TMEM117: variants seen among roughly 807,000 people sequenced by gnomAD.
TMEM117 encodes the protein transmembrane protein 117.
Under a neutral mutation model 52.4 loss-of-function variants are expected in TMEM117, and 27 were observed. The ratio of observed to expected loss-of-function variants is 0.51; its 90% CI spans 0.38 to 0.71. The LOEUF is 0.71. TMEM117 is among the 30% of genes least tolerant of loss of function. TMEM117 has a pLI of 0.00. For synonymous variants in TMEM117, 215 were observed against 206.3 expected (o/e 1.04, Z -0.36); for missense variants, 556 against 630.5 (o/e 0.88, Z 1.26).
intron 3 of TMEM117, among the ~76,000 whole-genome samples, chr12:44,040,498 CA>C (rs1946779551): frequency 6.6e-6 from 1 of 152,088 alleles, no homozygotes; most frequent in Non-Finnish European, 1.5e-5. Context: ...TTACATCTGG[CA>C]AACAGGCTAA....
chr12:43,809,915 T>C, the TMEM117 span, among the ~76,000 whole-genome samples: 3 of 152,228 alleles, frequency 2.0e-5, no homozygotes, highest in African/African-American at 7.2e-5. Flanking sequence ...TAAAATTCTT[T>C]CATTCCTATC....
the TMEM117 span, chr12:43,805,970 A>C: frequency 6.5e-7 from 1 of 1,545,822 alleles, no homozygotes; most frequent in South Asian, 1.1e-5. Flanking sequence ...CTCGAAAGCC[A>C]ATTTCCTTCG....
intron 2 of TMEM117, among the ~76,000 whole-genome samples, chr12:43,929,592 T>C (rs188371537): frequency 4.9e-4 from 74 of 152,292 alleles, no homozygotes; most frequent in Non-Finnish European, 7.6e-4. Flanking sequence ...TTTTGACATA[T>C]GTATATAACT....
chr12:44,097,717 G>T lies in TMEM117; in HGVS notation c.411-45808G>T, dbSNP rs568889730. 9.5e-5 allele frequency among the ~76,000 whole-genome samples: 13 copies of T among 137,066 alleles called. No individual in the cohort carries two copies. In the East Asian group the frequency reaches 2.2e-3, roughly 23 times the overall value. The allele number at this position is 137,066 out of a possible 152,430, so 89.9% of individuals were successfully genotyped here. On this transcript the variant is annotated intron_variant, in intron 3 of 7. Coordinates refer to ENST00000266534, the MANE Select transcript of TMEM117 (RefSeq NM_032256.3). Reference sequence around the variant, plus strand: ...ACATCACACTCTGTGGACTGTTGTGGGGTGGGGGGATGGGGGAGGGATAGC... The same window carrying T: ...ACATCACACTCTGTGGACTGTTGTGTGGTGGGGGGATGGGGGAGGGATAGC...
At chr12:44,177,784 T>A (rs1592582701) in intron 4 of TMEM117, among the ~76,000 whole-genome samples, 1 of 152,160 alleles carries the variant, frequency 6.6e-6, no homozygotes, top group East Asian at 1.9e-4. Flanking sequence ...CAGCATTGGA[T>A]TAATCTTGCA....
chr12:44,008,408 T>G (rs1946235920), intron 3 of TMEM117, among the ~76,000 whole-genome samples: 1 of 152,220 alleles, frequency 6.6e-6, no homozygotes, highest in Admixed American at 6.5e-5. Flanking sequence ...AGCTATACTT[T>G]CATTTTTTTT....
At chr12:44,025,687 T>TA (rs1946522128) in intron 3 of TMEM117, among the ~76,000 whole-genome samples, 1 of 152,218 alleles carries the variant, frequency 6.6e-6, no homozygotes, top group Non-Finnish European at 1.5e-5. Context: ...TCTCATTTTT[T>TA]ATTCTACTAA....
chr12:44,240,214 A>C (rs1055870727), intron 5 of TMEM117, among the ~76,000 whole-genome samples: 1 of 152,152 alleles, frequency 6.6e-6, no homozygotes, highest in African/African-American at 2.4e-5. Context: ...CTGCACTGCT[A>C]TCTTTGCCAT....
chr12:44,034,065 G>C (rs1011463256), intron 3 of TMEM117, among the ~76,000 whole-genome samples: 5 of 152,112 alleles, frequency 3.3e-5, no homozygotes, highest in African/African-American at 1.2e-4. Context: ...TAATTTTGTA[G>C]AGCATTTTAT....
intron 4 of TMEM117, among the ~76,000 whole-genome samples, chr12:44,162,690 A>G (rs1948913793): frequency 6.6e-6 from 1 of 152,200 alleles, no homozygotes; most frequent in Admixed American, 6.5e-5. Flanking sequence ...TATGAGACTG[A>G]ATGAATACTG....
intron 1 of TMEM117, among the ~76,000 whole-genome samples, chr12:43,837,437 C>G (rs1343644203): frequency 6.6e-6 from 1 of 152,092 alleles, no homozygotes; most frequent in Admixed American, 6.6e-5. Flanking sequence ...ACCTCCGCCT[C>G]CCGGGTTCAA....
intron 5 of TMEM117, among the ~76,000 whole-genome samples, chr12:44,222,837 A>G (rs1339894324): frequency 3.3e-5 from 5 of 152,214 alleles, no homozygotes; most frequent in East Asian, 3.8e-4. Flanking sequence ...TTACATCTCT[A>G]TAGCAAGTAG....
chr12:43,876,720 A>T (rs569962845), intron 2 of TMEM117, among the ~76,000 whole-genome samples: 1 of 152,174 alleles, frequency 6.6e-6, no homozygotes, highest in African/African-American at 2.4e-5. Context: ...GCGTTTTCCA[A>T]TGCTGTGCTT....
chr12:44,372,390 T>C (rs1482795754), intron 6 of TMEM117, among the ~76,000 whole-genome samples: 1 of 152,104 alleles, frequency 6.6e-6, no homozygotes, highest in East Asian at 1.9e-4. Context: ...ATACAATCTG[T>C]ATATAAAACT....
At chr12:43,808,877 C>G in the TMEM117 span, among the ~76,000 whole-genome samples, 1 of 149,828 alleles carries the variant, frequency 6.7e-6, no homozygotes, top group African/African-American at 2.5e-5. Context: ...GACTGATGCT[C>G]TGTGGGAATT....
At chr12:43,942,638 A>G (rs556134802) in intron 2 of TMEM117, among the ~76,000 whole-genome samples, 4 of 151,914 alleles carry the variant, frequency 2.6e-5, no homozygotes, top group Admixed American at 2.0e-4. Flanking sequence ...TTTACTCTTC[A>G]TCTCAAGTTT....
chr12:44,334,058 A>C (rs953978326), intron 6 of TMEM117, among the ~76,000 whole-genome samples: 2 of 152,078 alleles, frequency 1.3e-5, no homozygotes, highest in African/African-American at 4.8e-5. Flanking sequence ...AGAGACTTTA[A>C]AATAGATTTC....
At chr12:44,344,226 A>G (rs1951453934) in intron 6 of TMEM117, among the ~76,000 whole-genome samples, 1 of 152,126 alleles carries the variant, frequency 6.6e-6, no homozygotes, top group Non-Finnish European at 1.5e-5. Context: ...AGTTTTGATA[A>G]TAGAGTCATC....
chr12:44,046,091 A>G (rs1946877443), intron 3 of TMEM117, among the ~76,000 whole-genome samples: 1 of 152,186 alleles, frequency 6.6e-6, no homozygotes, highest in Non-Finnish European at 1.5e-5. Flanking sequence ...ATATCCCTGA[A>G]TAACAGGTCC....
Sources: gnomAD v4.1 joint callset for allele counts (sites outside exome capture counted in the v4.1 genomes callset) on GRCh38, gnomAD v4.1.1 for gene constraint, MANE v1.5 for transcripts, NCBI Gene and HGNC (gene_info 2026-07-23, HGNC 2026-07-21) for gene names.